The following SNRPN variants were observed in gnomAD, a reference collection of about 807,000 sequenced individuals.
SNRPN encodes the protein small nuclear ribonucleoprotein-associated protein N.
Under a neutral mutation model 25.2 loss-of-function variants are expected in SNRPN, and 7 were observed. The ratio of observed to expected loss-of-function variants is 0.28; its 90% confidence interval spans 0.16 to 0.52. The LOEUF (loss-of-function observed/expected upper bound fraction) is 0.52, where lower values mean the gene tolerates loss of function less well. Ranked by LOEUF, SNRPN falls within the 20% of genes least tolerant of loss-of-function variation. The probability of loss-of-function intolerance (pLI) is 0.96; values close to 1 mark genes in which losing one functional copy is unlikely to be tolerated. For missense variants in SNRPN, 196 were observed against 322.5 expected (o/e 0.61, Z 3.00); for synonymous variants, 124 against 110.6 (o/e 1.12, Z -0.76).
chr15:24,914,850 T>C (rs754842692), intron 2 of SNRPN, among the ~76,000 whole-genome samples: 2 of 152,060 alleles, frequency 1.3e-5, no homozygotes, highest in East Asian at 3.9e-4. Context: ...GATTTTGCAA[T>C]GGAATAGAGA....
intron 3 of SNRPN, among the ~76,000 whole-genome samples, chr15:24,939,880 TC>T (rs1399028593): frequency 2.0e-5 from 3 of 151,726 alleles, no homozygotes; most frequent in African/African-American, 7.3e-5. Context: ...ACCTCCACCT[TC>T]CGGGTTCAAG....
rs1042039822 is a variant in SNRPN at position 24,922,966 on chromosome 15, C to T, written c.-391+2842C>T. Among the ~76,000 whole-genome samples, 93 of 120,134 alleles carry T rather than the reference C, an allele frequency of 7.7e-4. No homozygotes were observed. In the Admixed American group the frequency reaches 0.011, roughly 14 times the overall value. 78.8% of individuals were successfully genotyped at this position (120,134 alleles called of 152,430 possible). A position where few individuals can be genotyped will look rare whatever the true frequency, so the allele number is the denominator to read the frequency against. On this transcript the variant is annotated intron_variant, in intron 3 of 11. Transcript: ENST00000400097. ...GCTCAAGCTGGATGGAGTGCAGTGG[C>T]GCAATCTCAGCTCACTGCAACCTCC...
intron 2 of SNRPN, among the ~76,000 whole-genome samples, chr15:24,898,861 T>C (rs889066083): frequency 1.7e-4 from 26 of 152,052 alleles, no homozygotes; most frequent in Admixed American, 1.4e-3. Flanking sequence ...AATGCTAGTA[T>C]GGAGGCTGCG....
intron 1 of SNRPN, among the ~76,000 whole-genome samples, chr15:24,868,141 A>G (rs1204399428): frequency 6.6e-6 from 1 of 151,876 alleles, no homozygotes; most frequent in East Asian, 1.9e-4. Flanking sequence ...ATATATACAC[A>G]CACACATATA....
At chr15:24,968,788 TCAG>T (rs1288409266) in intron 3 of SNRPN, 1 of 152,304 alleles carries the variant, frequency 6.6e-6, no homozygotes. Context: ...CCTCTTTGAA[TCAG>T]CAGACAATGT....
chr15:24,900,113 A>C (rs545984372), intron 2 of SNRPN, among the ~76,000 whole-genome samples: 1 of 152,318 alleles, frequency 6.6e-6, no homozygotes, highest in Non-Finnish European at 1.5e-5. Context: ...AGCCCGAGTG[A>C]CTGCTGCACT....
At chr15:24,965,272 T>G (rs1018459935) in intron 2 of SNRPN, among the ~76,000 whole-genome samples, 3 of 152,158 alleles carry the variant, frequency 2.0e-5, no homozygotes, top group African/African-American at 7.2e-5. Flanking sequence ...GTGCGGTGGC[T>G]CACGCCTGTA....
intron 3 of SNRPN, among the ~76,000 whole-genome samples, chr15:24,971,581 T>C (rs2076413685): frequency 6.6e-6 from 1 of 152,042 alleles, no homozygotes; most frequent in Non-Finnish European, 1.5e-5. Flanking sequence ...CCTAATTCTC[T>C]AGGTCTTCAG....
At chr15:24,905,967 A>T (rs2058773850) in intron 2 of SNRPN, among the ~76,000 whole-genome samples, 1 of 152,222 alleles carries the variant, frequency 6.6e-6, no homozygotes. Flanking sequence ...ATATATTTTC[A>T]TCACCCATTA....
intron 1 of SNRPN, among the ~76,000 whole-genome samples, chr15:24,864,533 G>A (rs1188367421): frequency 4.6e-5 from 7 of 151,582 alleles, no homozygotes; most frequent in Non-Finnish European, 7.4e-5. Context: ...TAGTAGAAAC[G>A]GGGTTTCGCC....
At chr15:24,872,579 C>G (rs2055268024) in intron 1 of SNRPN, among the ~76,000 whole-genome samples, 1 of 112,110 alleles carries the variant, frequency 8.9e-6, no homozygotes, top group African/African-American at 3.1e-5. Flanking sequence ...AACCCCGTCT[C>G]TACTAACAAT....
intron 1 of SNRPN, among the ~76,000 whole-genome samples, chr15:24,873,756 T>A (rs2055503288): frequency 6.6e-6 from 1 of 152,076 alleles, no homozygotes; most frequent in Non-Finnish European, 1.5e-5. Flanking sequence ...CAACTCTTCT[T>A]TTTATGGTCT....
At chr15:24,910,493 T>C (rs1432235345) in intron 2 of SNRPN, among the ~76,000 whole-genome samples, 1 of 151,946 alleles carries the variant, frequency 6.6e-6, no homozygotes, top group Admixed American at 6.6e-5. Flanking sequence ...ATGCTAATTA[T>C]TATTATTATT....
At chr15:24,954,282 C>G (rs1414333841), upstream of SNRPN, among the ~76,000 whole-genome samples, 1 of 152,118 alleles carries the variant, frequency 6.6e-6, no homozygotes, top group Non-Finnish European at 1.5e-5. Context: ...GTATCCAATT[C>G]TAATAGGCAA....
At chr15:24,973,021 G>A (rs1462866633) in intron 3 of SNRPN, among the ~76,000 whole-genome samples, 3 of 152,064 alleles carry the variant, frequency 2.0e-5, no homozygotes, top group African/African-American at 7.2e-5. Flanking sequence ...CTGAGTAGCT[G>A]GGATTACAGG....
intron 2 of SNRPN, among the ~76,000 whole-genome samples, chr15:24,841,283 C>T (rs2051680659): frequency 6.6e-6 from 1 of 151,986 alleles, no homozygotes; most frequent in Admixed American, 6.6e-5. Flanking sequence ...ATACGGCCCA[C>T]TATTGTGTCT....
intron 1 of SNRPN, among the ~76,000 whole-genome samples, chr15:24,882,815 C>G (rs2056830155): frequency 1.1e-5 from 1 of 93,780 alleles, no homozygotes; most frequent in East Asian, 2.9e-4. Flanking sequence ...CAGAGCGAGA[C>G]TCCATCTCAA....
At chr15:24,902,816 T>C (rs2058549646) in intron 2 of SNRPN, among the ~76,000 whole-genome samples, 3 of 152,188 alleles carry the variant, frequency 2.0e-5, no homozygotes, top group Non-Finnish European at 2.9e-5. Flanking sequence ...GTAAAGGTAG[T>C]GTGGACCCAA....
chr15:24,975,657 T>C, intron 5 of SNRPN, 148 bp downstream of exon 5: 1 of 655,126 alleles, frequency 1.5e-6, no homozygotes, highest in Admixed American at 2.5e-5. Context: ...TGACCTGATC[T>C]CTGAATTAGG....
Sources: allele counts gnomAD v4.1 joint callset (sites outside exome capture counted in the v4.1 genomes callset), GRCh38; gene constraint gnomAD v4.1.1; transcripts MANE v1.5; gene names NCBI Gene and HGNC (gene_info 2026-07-23, HGNC 2026-07-21).